Variants in ARHGEF18 observed in about 807,000 individuals in gnomAD.
The protein encoded by ARHGEF18 is rho guanine nucleotide exchange factor 18.
Under a neutral mutation model 155.7 loss-of-function variants are expected in ARHGEF18, and 93 were observed. The observed-to-expected ratio is 0.60, with a 90% CI of 0.50 to 0.71. ARHGEF18 has a LOEUF of 0.71. ARHGEF18 is among the 30% of genes least tolerant of loss of function. The probability of loss-of-function intolerance (pLI) is 0.00; values close to 1 mark genes in which losing one functional copy is unlikely to be tolerated. For missense variants in ARHGEF18, 1,593 were observed against 1,816.1 expected (o/e 0.88, Z 2.23); for synonymous variants, 742 against 753.1 (o/e 0.99, Z 0.24).
chr19:7,478,844 G>A, the ARHGEF18 span, among the ~76,000 whole-genome samples: 13 of 152,224 alleles, frequency 8.5e-5, no homozygotes, highest in African/African-American at 2.2e-4. Context: ...CACACACCCC[G>A]GACATTGGCT....
intron 1 of ARHGEF18, among the ~76,000 whole-genome samples, chr19:7,350,654 C>T (rs114183615): frequency 0.014 from 2,194 of 152,302 alleles, 22 homozygotes; most frequent in Middle Eastern, 0.037. Context: ...TGTTGGACAG[C>T]TGGGCGTTCA....
intron 10 of ARHGEF18, among the ~76,000 whole-genome samples, chr19:7,403,173 C>A (rs1236768576): frequency 1.3e-5 from 2 of 152,162 alleles, no homozygotes; most frequent in Admixed American, 1.3e-4. Context: ...GCCTCCTGAC[C>A]TCAAGCAATC....
rs1974893822 is a variant in ARHGEF18, at chr19:7,444,922, G to A, written c.1611+468G>A. ...CAAAGTGCAGGGATCACAGGCATGA[G>A]CCATTGTGCCAGCCTTTTCCTTTCA... is the stretch of plus-strand genomic sequence containing the variant. On this transcript the variant is annotated intron_variant, in intron 14 of 28. Coordinates refer to ENST00000668164, the MANE Select transcript of ARHGEF18 (RefSeq NM_001367823.1). This position sits in a 1 kb window ranked among gnomAD's most constrained non-coding sequence, Gnocchi z 4.7. Among the ~76,000 whole-genome samples the A allele has an allele frequency of 6.8e-6, 1 of 146,764 alleles. No individual in the cohort carries two copies. The highest frequency in any genetic ancestry group is 2.5e-5 in the African/African-American group (1 of 40,454).
chr19:7,386,627 G>A (rs1425207797), intron 10 of ARHGEF18, among the ~76,000 whole-genome samples: 1 of 152,084 alleles, frequency 6.6e-6, no homozygotes, highest in Non-Finnish European at 1.5e-5. Flanking sequence ...TCCCAGGGCA[G>A]GAATGTGCCC....
At position 7,440,303 on chromosome 19, in the gene ARHGEF18, C is replaced by T. The variant is rs1974554760; in HGVS notation, c.968-41C>T. The T allele has an allele frequency of 1.3e-6, 2 of 1,597,042 alleles. No individual in the cohort carries two copies. The highest frequency in any genetic ancestry group is 3.5e-5 in the Admixed American group (2 of 56,470). Reference sequence around the variant, plus strand: ...GCGCCGGGGACCTCCGCTACCCGACCCACTTTCTCAGCACCAACTCTGTCC... The same window carrying T: ...GCGCCGGGGACCTCCGCTACCCGACTCACTTTCTCAGCACCAACTCTGTCC... On this transcript the variant is annotated intron_variant, in intron 10 of 28. Coordinates refer to ENST00000668164, the MANE Select transcript of ARHGEF18 (RefSeq NM_001367823.1). The surrounding 1 kb of genome is among the most constrained non-coding windows in gnomAD (Gnocchi z 5.4).
intron 18 of ARHGEF18, among the ~76,000 whole-genome samples, chr19:7,457,855 G>C (rs988875730): frequency 2.4e-4 from 36 of 152,168 alleles, no homozygotes; most frequent in African/African-American, 8.7e-4. Flanking sequence ...GGTGGCTCTG[G>C]GTGGCCTGAG....
At position 7,431,529 on chromosome 19, in the gene ARHGEF18, A is replaced by AAAAAAAAAAAAAAAAG. The variant is rs901539858; in HGVS notation, c.968-8811_968-8810insAAAAAAAAAAAGAAAA. On this transcript the variant is annotated intron_variant, in intron 10 of 28. Transcript: ENST00000668164. ...CCATCTCAAAAAAAAAAAAAAAAAA[A>AAAAAAAAAAAAAAAAG]AAAAGGCCGGGCTCAGTGGCTCACG... Among the ~76,000 whole-genome samples the AAAAAAAAAAAAAAAAG allele has an allele frequency of 2.7e-5, 4 of 146,954 alleles. No individual in the cohort carries two copies. The East Asian group carries it at 6.0e-4, about 22-fold the overall frequency.
At chr19:7,450,694 G>A (rs75622591) in intron 15 of ARHGEF18, among the ~76,000 whole-genome samples, 3 of 150 alleles carry the variant, frequency 0.02, no homozygotes, top group African/African-American at 0.043. Flanking sequence ...GGATCTTGCT[G>A]TCCGTTTCCG....
At chr19:7,430,930 G>A (rs1973923681) in intron 10 of ARHGEF18, among the ~76,000 whole-genome samples, 1 of 151,996 alleles carries the variant, frequency 6.6e-6, no homozygotes, top group Admixed American at 6.6e-5. Flanking sequence ...ACTTTGGGAG[G>A]CCAAGGCAAA....
At chr19:7,437,552 C>G (rs1389244211) in intron 10 of ARHGEF18, among the ~76,000 whole-genome samples, 1 of 152,072 alleles carries the variant, frequency 6.6e-6, no homozygotes, top group Admixed American at 6.6e-5. Flanking sequence ...AAGAAAGAGA[C>G]TTCTAGCTGC....
chr19:7,478,932 TC>T, the ARHGEF18 span, among the ~76,000 whole-genome samples: 1 of 152,122 alleles, frequency 6.6e-6, no homozygotes, highest in African/African-American at 2.4e-5. Context: ...GTGGGCAGCC[TC>T]TGTGCTCCCA....
At chr19:7,377,615 C>A (rs554594702) in intron 5 of ARHGEF18, among the ~76,000 whole-genome samples, 1 of 151,962 alleles carries the variant, frequency 6.6e-6, no homozygotes, top group African/African-American at 2.4e-5. Flanking sequence ...GAAACCTTGT[C>A]TCTACTAAAA....
chr19:7,439,541 A>T, intron 10 of ARHGEF18: 3 of 327,822 alleles, frequency 9.2e-6, no homozygotes, highest in Non-Finnish European at 1.3e-5. Flanking sequence ...CTGAACCCTT[A>T]AATTAATGAA....
rs945134382 is a variant in ARHGEF18, at chr19:7,462,695, G to A, written c.2635+361G>A. Among the ~76,000 whole-genome samples the A allele has an allele frequency of 1.3e-5, 2 of 151,946 alleles. No individual in the cohort carries two copies. The highest frequency in any genetic ancestry group is 2.4e-5 in the African/African-American group (1 of 41,276). ...GGTTCCTCTTCTTCCTGGGAGGTGG[G>A]TCCTGGTGATATCCCCAGAAAAACA... On this transcript the variant is annotated intron_variant, in intron 21 of 28. Transcript: ENST00000668164. This position sits in a 1 kb window ranked among gnomAD's most constrained non-coding sequence, Gnocchi z 4.4.
chr19:7,375,019 C>T (rs922573939), intron 3 of ARHGEF18, among the ~76,000 whole-genome samples: 1 of 152,136 alleles, frequency 6.6e-6, no homozygotes, highest in Non-Finnish European at 1.5e-5. Flanking sequence ...CGCCTGTAAT[C>T]CCAGCACTTT....
intron 10 of ARHGEF18, among the ~76,000 whole-genome samples, chr19:7,402,079 A>C: frequency 6.6e-6 from 1 of 152,142 alleles, no homozygotes; most frequent in East Asian, 1.9e-4. Flanking sequence ...AGTGGGGAGT[A>C]ATGGCCAAGG....
At chr19:7,363,672 G>T (rs1969732058) in intron 2 of ARHGEF18, among the ~76,000 whole-genome samples, 1 of 152,014 alleles carries the variant, frequency 6.6e-6, no homozygotes, top group African/African-American at 2.4e-5. Flanking sequence ...ATAATGGATG[G>T]GTGAGTGGAT....
At position 7,355,584 on chromosome 19, in the gene ARHGEF18, C is replaced by T. The variant is rs117491170; in HGVS notation, c.-111+6343C>T. The T allele has an allele frequency of 8.4e-5, 83 of 983,928 alleles. No individual in the cohort carries two copies. In the East Asian group the frequency reaches 8.2e-3, roughly 97 times the overall value. 60.9% of individuals were successfully genotyped at this position (983,928 alleles called of 1,614,324 possible). A position where few individuals can be genotyped will look rare whatever the true frequency, so the allele number is the denominator to read the frequency against. ...GCAGCCCCATCCTGGCAGGGATTCCCAGGCCAGCTCACACTCAAGCTCTCA... is the reference window on the plus strand; with the variant it reads ...GCAGCCCCATCCTGGCAGGGATTCCTAGGCCAGCTCACACTCAAGCTCTCA... On this transcript the variant is annotated intron_variant, in intron 1 of 28. Coordinates refer to ENST00000668164, the MANE Select transcript of ARHGEF18 (RefSeq NM_001367823.1).
chr19:7,440,159 C>G lies in ARHGEF18; in HGVS notation c.968-185C>G, dbSNP rs2145771489. 1.3e-6 allele frequency: 2 copies of G among 1,551,420 alleles called. No homozygotes were observed. Among genetic ancestry groups the G allele is most frequent in the African/African-American group, 1.4e-5 (1 of 73,168 alleles). ...GGCACAGCGCGCTCCCCGGCCGCCCCGAGCTGTCTTTTTACGGCTCTTTCC... is the reference window on the plus strand; with the variant it reads ...GGCACAGCGCGCTCCCCGGCCGCCCGGAGCTGTCTTTTTACGGCTCTTTCC... On this transcript the variant is annotated intron_variant, in intron 10 of 28. Coordinates refer to ENST00000668164, the MANE Select transcript of ARHGEF18 (RefSeq NM_001367823.1). This position sits in a 1 kb window ranked among gnomAD's most constrained non-coding sequence, Gnocchi z 5.4.
Sources: allele counts gnomAD v4.1 joint callset (sites outside exome capture counted in the v4.1 genomes callset), GRCh38; gene constraint gnomAD v4.1.1; non-coding constraint Gnocchi (gnomAD v3.1); transcripts MANE v1.5; gene names NCBI Gene and HGNC (gene_info 2026-07-23, HGNC 2026-07-21).